FBXO11: variants seen among roughly 807,000 people sequenced by gnomAD.
FBXO11 encodes the protein F-box protein 11, also known as F-box only protein 11.
In FBXO11, 13 loss-of-function variants were observed where a neutral mutation model predicts 117.0. The observed-to-expected ratio is 0.11, with a 90% CI of 0.07 to 0.18. The LOEUF is 0.18. Among genes scored for constraint, FBXO11 ranks in the 10% least tolerant of loss-of-function variants. FBXO11 has a pLI of 1.00. For missense variants in FBXO11, 767 were observed against 1,164.4 expected (o/e 0.66, Z 4.97); for synonymous variants, 490 against 380.5 (o/e 1.29, Z -3.35).
chr2:47,870,525 C>T (rs912212242), intron 1 of FBXO11, among the ~76,000 whole-genome samples: 3 of 152,094 alleles, frequency 2.0e-5, no homozygotes, highest in African/African-American at 4.8e-5. Context: ...AGGGAGAATG[C>T]TATGTGACAA....
At chr2:47,823,057 T>C (rs77966926) in intron 12 of FBXO11, 86 bp downstream of exon 12, 82,833 of 939,618 alleles carry the variant, frequency 0.088, 4,509 homozygotes, top group Non-Finnish European at 0.11. Context: ...TAACAAAAAC[T>C]TTCAAGAGTT....
At chr2:47,900,890 G>GTATACACACACACGTGTA (rs1678186416) in intron 1 of FBXO11, among the ~76,000 whole-genome samples, 1 of 123,102 alleles carries the variant, frequency 8.1e-6, no homozygotes, top group African/African-American at 3.1e-5. Flanking sequence ...ATATATACAC[G>GTATACACACACACGTGTA]TATATATACA....
intron 1 of FBXO11, among the ~76,000 whole-genome samples, chr2:47,841,057 G>C (rs1281739159): frequency 1.3e-5 from 2 of 151,820 alleles, no homozygotes; most frequent in Non-Finnish European, 2.9e-5. Flanking sequence ...AATTAGCCTG[G>C]TGTGGTAGCG....
chr2:47,839,346 T>G, intron 3 of FBXO11, 73 bp downstream of exon 3: 1 of 1,387,924 alleles, frequency 7.2e-7, no homozygotes, highest in Non-Finnish European at 1.0e-6. Context: ...TACACTTAAT[T>G]TTCATTTTTT....
At chr2:47,857,617 G>C (rs1674413886) in intron 1 of FBXO11, among the ~76,000 whole-genome samples, 2 of 152,292 alleles carry the variant, frequency 1.3e-5, no homozygotes, top group Non-Finnish European at 2.9e-5. Flanking sequence ...ATGTGGTTTA[G>C]GGGTAAGATA....
rs1327321959 is a variant in FBXO11 at position 47,814,375 on chromosome 2, T to TC, written c.2007-509_2007-508insG. The TC allele has an allele frequency of 3.0e-3, 438 of 146,284 alleles. 7 individuals carry two copies. The highest frequency in any genetic ancestry group is 0.026 in the Admixed American group (376 of 14,518). 9.1% of individuals were successfully genotyped at this position (146,284 alleles called of 1,614,324 possible). On this transcript the variant is annotated intron_variant, in intron 16 of 22. Transcript: ENST00000403359. ...AACAATCTAAGCCTTCAGGGAGTCT[T>TC]TTTTTTTTTTTTTTTTTAAAGACAT... is the stretch of plus-strand genomic sequence containing the variant.
intron 1 of FBXO11, among the ~76,000 whole-genome samples, chr2:47,846,521 T>C (rs1673424353): frequency 6.6e-6 from 1 of 152,188 alleles, no homozygotes; most frequent in African/African-American, 2.4e-5. Flanking sequence ...AATAGAATAT[T>C]ATGCCAATGA....
In FBXO11 at chr2:47,826,303, C is replaced by T. The variant is rs1328387544; in HGVS notation, c.1399-2943G>A. Among the ~76,000 whole-genome samples, 11 of 152,126 alleles carry T rather than the reference C, an allele frequency of 7.2e-5. No individual in the cohort carries two copies. In the South Asian group the frequency reaches 1.2e-3, roughly 17 times the overall value. On this transcript the variant is annotated intron_variant, in intron 11 of 22. Coordinates refer to ENST00000403359, the MANE Select transcript of FBXO11 (RefSeq NM_001190274.2). ...CGATCTCCTAACCTCGTGATCCACC[C>T]GCCTCGGCCTCCCAAAGTGCTGGGA...
intron 1 of FBXO11, among the ~76,000 whole-genome samples, chr2:47,849,884 C>T (rs1396098602): frequency 6.6e-6 from 1 of 152,138 alleles, no homozygotes; most frequent in East Asian, 1.9e-4. Flanking sequence ...AAGGCTATTA[C>T]AAACACTTAA....
chr2:47,904,326 A>T (rs1370295309), intron 1 of FBXO11, among the ~76,000 whole-genome samples: 1 of 152,130 alleles, frequency 6.6e-6, no homozygotes, highest in Non-Finnish European at 1.5e-5. Flanking sequence ...GACCTCTACC[A>T]CTACTGCGAA....
intron 1 of FBXO11, among the ~76,000 whole-genome samples, chr2:47,866,596 C>T (rs947741788): frequency 9.9e-5 from 15 of 151,876 alleles, no homozygotes; most frequent in African/African-American, 3.6e-4. Flanking sequence ...GCCTCAGCCT[C>T]CCGAGTAGCT....
At chr2:47,845,958 G>T (rs935913924) in intron 1 of FBXO11, among the ~76,000 whole-genome samples, 4 of 151,430 alleles carry the variant, frequency 2.6e-5, no homozygotes, top group African/African-American at 9.7e-5. Flanking sequence ...GCATTTACAT[G>T]TAGATCCATT....
chr2:47,890,383 A>G (rs575454915), intron 1 of FBXO11, among the ~76,000 whole-genome samples: 4 of 152,346 alleles, frequency 2.6e-5, no homozygotes, highest in Admixed American at 1.3e-4. Context: ...CTATAAATTA[A>G]TAAGCACTTA....
At chr2:47,836,367 T>TTTTTTCC (rs1223619532) in intron 4 of FBXO11, among the ~76,000 whole-genome samples, 1 of 152,184 alleles carries the variant, frequency 6.6e-6, no homozygotes, top group African/African-American at 2.4e-5. Flanking sequence ...GAAATTATGT[T>TTTTTTCC]TTTTTCCTTT....
At chr2:47,903,795 G>A (rs1004102187) in intron 1 of FBXO11, among the ~76,000 whole-genome samples, 2 of 152,148 alleles carry the variant, frequency 1.3e-5, no homozygotes, top group African/African-American at 4.8e-5. Context: ...TTTGTCAGCT[G>A]TACTGCATAC....
In FBXO11 at chr2:47,836,595, C is replaced by T. The variant is rs140682684; in HGVS notation, c.588-594G>A. On this transcript the variant is annotated intron_variant, in intron 4 of 22. Coordinates refer to ENST00000403359, the MANE Select transcript of FBXO11 (RefSeq NM_001190274.2). ...CCTCCCTAAGTGCTGGGATTACAGGCGTGAGCCACCATGCCTGGCCGAAAA... is the reference window on the plus strand; with the variant it reads ...CCTCCCTAAGTGCTGGGATTACAGGTGTGAGCCACCATGCCTGGCCGAAAA... Among the ~76,000 whole-genome samples the T allele has an allele frequency of 5.3e-3, 800 of 151,952 alleles. 12 individuals are homozygous for T. The highest frequency in any genetic ancestry group is 0.027 in the Middle Eastern group (8 of 294).
intron 1 of FBXO11, among the ~76,000 whole-genome samples, chr2:47,877,105 C>T (rs1676063887): frequency 6.6e-6 from 1 of 151,772 alleles, no homozygotes; most frequent in Admixed American, 6.6e-5. Context: ...TGGCTCACTG[C>T]AGCCTCAACC....
intron 1 of FBXO11, among the ~76,000 whole-genome samples, chr2:47,863,374 T>C (rs571649265): frequency 5.9e-5 from 9 of 152,328 alleles, no homozygotes; most frequent in Non-Finnish European, 1.2e-4. Flanking sequence ...TATACTTTAA[T>C]GTCTACAAGT....
intron 11 of FBXO11, among the ~76,000 whole-genome samples, chr2:47,826,887 C>T (rs1671794144): frequency 6.6e-6 from 1 of 152,004 alleles, no homozygotes; most frequent in African/African-American, 2.4e-5. Flanking sequence ...TGCATCATCT[C>T]CTATAAATCA....
Sources: allele counts gnomAD v4.1 joint callset (sites outside exome capture counted in the v4.1 genomes callset), GRCh38; gene constraint gnomAD v4.1.1; transcripts MANE v1.5; gene names NCBI Gene and HGNC (gene_info 2026-07-23, HGNC 2026-07-21).